The following RORA variants were observed in gnomAD, a reference collection of about 807,000 sequenced individuals.
The protein encoded by RORA is nuclear receptor ROR-alpha.
In RORA, 7 loss-of-function variants were observed where a neutral mutation model predicts 69.5. The observed-to-expected ratio is 0.10, with a 90% CI of 0.06 to 0.19. RORA has a LOEUF of 0.19. Among genes scored for constraint, RORA ranks in the 10% least tolerant of loss-of-function variants. The pLI is 1.00. For synonymous variants in RORA, 261 were observed against 240.8 expected (o/e 1.08, Z -0.78); for missense variants, 457 against 663.0 (o/e 0.69, Z 3.41).
chr15:60,493,183 C>CATATG lies in RORA; in HGVS notation c.*4267_*4271dup, dbSNP rs1393604372. The CATATG allele has an allele frequency of 6.6e-6, 1 of 152,026 alleles. No individual in the cohort carries two copies. The highest frequency in any genetic ancestry group is 1.5e-5 in the Non-Finnish European group (1 of 68,016). 9.4% of individuals were successfully genotyped at this position (152,026 alleles called of 1,614,324 possible). A position where few individuals can be genotyped will look rare whatever the true frequency, so the allele number is the denominator to read the frequency against. On this transcript the variant is annotated 3_prime_UTR_variant, in exon 11 of 11. Coordinates refer to ENST00000335670, the MANE Select transcript of RORA (RefSeq NM_134261.3). Reference sequence around the variant, plus strand: ...TCTTAAAATAATAGCATTGGAAGGACATATGATTTAAACAATCAATGTTGG... The same window carrying CATATG: ...TCTTAAAATAATAGCATTGGAAGGACATATGATATGATTTAAACAATCAATGTTGG...
intron 1 of RORA, among the ~76,000 whole-genome samples, chr15:61,046,964 T>A (rs1897057709): frequency 6.6e-6 from 1 of 152,210 alleles, no homozygotes; most frequent in Admixed American, 6.5e-5. Flanking sequence ...TTGGAGAGCA[T>A]CTTTTGCTCG....
intron 2 of RORA, among the ~76,000 whole-genome samples, chr15:60,536,906 T>G (rs2066697909): frequency 6.6e-6 from 1 of 152,262 alleles, no homozygotes; most frequent in South Asian, 2.1e-4. Context: ...TATGGAGGAC[T>G]TTTCACTTGC....
At chr15:60,506,401 G>T (rs2065502873) in intron 5 of RORA, among the ~76,000 whole-genome samples, 1 of 152,220 alleles carries the variant, frequency 6.6e-6, no homozygotes, top group Non-Finnish European at 1.5e-5. Flanking sequence ...GGAGTTTGAA[G>T]ATATGAAAGA....
At position 60,497,218 on chromosome 15, in the gene RORA, A is replaced by T. The variant is rs2065189992; in HGVS notation, c.*237T>A. The T allele has an allele frequency of 4.9e-6, 2 of 409,288 alleles. No homozygotes were observed. Among genetic ancestry groups the T allele is most frequent in the Non-Finnish European group, 8.8e-6 (2 of 228,214 alleles). 25.4% of individuals were successfully genotyped at this position (409,288 alleles called of 1,614,324 possible). ...AGAGGTCAATGATCAAGAAGTCAAG[A>T]CAGAAAAAGGGTCCATATCTGTAGG... On this transcript the variant is annotated 3_prime_UTR_variant, in exon 11 of 11. Coordinates refer to ENST00000335670, the MANE Select transcript of RORA (RefSeq NM_134261.3).
intron 2 of RORA, among the ~76,000 whole-genome samples, chr15:60,663,612 T>C (rs1238745245): frequency 6.6e-6 from 1 of 152,116 alleles, no homozygotes; most frequent in African/African-American, 2.4e-5. Context: ...TACGCCACCA[T>C]ACCCGGCTAA....
intron 1 of RORA, among the ~76,000 whole-genome samples, chr15:60,892,816 A>G (rs1350559531): frequency 6.6e-6 from 1 of 152,244 alleles, no homozygotes; most frequent in Non-Finnish European, 1.5e-5. Flanking sequence ...GTTACAAGGT[A>G]AAAGGGAAGG....
At chr15:61,051,228 T>C (rs1162621523) in intron 1 of RORA, among the ~76,000 whole-genome samples, 1 of 152,150 alleles carries the variant, frequency 6.6e-6, no homozygotes, top group Admixed American at 6.5e-5. Context: ...TGCCACATCC[T>C]CCACTCAGAA....
intron 2 of RORA, among the ~76,000 whole-genome samples, chr15:60,584,180 T>C (rs1268472999): frequency 6.6e-6 from 1 of 152,186 alleles, no homozygotes; most frequent in Non-Finnish European, 1.5e-5. Context: ...TGTAAATACA[T>C]GCCTTCGTGG....
intron 1 of RORA, among the ~76,000 whole-genome samples, chr15:61,225,887 T>C (rs559744280): frequency 1.2e-4 from 18 of 152,344 alleles, no homozygotes; most frequent in Non-Finnish European, 2.5e-4. Flanking sequence ...CTTTCTTTTT[T>C]CTCTTTCATT....
At chr15:60,610,627 T>A (rs575686108) in intron 2 of RORA, among the ~76,000 whole-genome samples, 1 of 152,104 alleles carries the variant, frequency 6.6e-6, no homozygotes, top group Non-Finnish European at 1.5e-5. Context: ...TATATAGGTA[T>A]ATATGATAGG....
At chr15:60,890,873 G>A (rs189653308) in intron 1 of RORA, among the ~76,000 whole-genome samples, 319 of 152,314 alleles carry the variant, frequency 2.1e-3, no homozygotes, top group Middle Eastern at 6.8e-3. Flanking sequence ...TGAAACCAGA[G>A]CAGAAGATAT....
At chr15:60,808,135 G>C (rs1595730573) in intron 1 of RORA, among the ~76,000 whole-genome samples, 1 of 152,240 alleles carries the variant, frequency 6.6e-6, no homozygotes, top group African/African-American at 2.4e-5. Flanking sequence ...AGAATTTACA[G>C]ACAATCTACA....
chr15:61,054,407 G>A (rs1409685367), intron 1 of RORA, among the ~76,000 whole-genome samples: 1 of 151,998 alleles, frequency 6.6e-6, no homozygotes, highest in Non-Finnish European at 1.5e-5. Flanking sequence ...TGTCTCAAAT[G>A]ATACTGTGAC....
chr15:61,055,014 T>G, intron 1 of RORA, among the ~76,000 whole-genome samples: 1 of 152,002 alleles, frequency 6.6e-6, no homozygotes, highest in Non-Finnish European at 1.5e-5. Flanking sequence ...TTTTTGTATT[T>G]TTAGTAGAGA....
chr15:60,953,955 G>A (rs1322568641), intron 1 of RORA, among the ~76,000 whole-genome samples: 1 of 151,624 alleles, frequency 6.6e-6, no homozygotes, highest in African/African-American at 2.4e-5. Context: ...TATACCCAGA[G>A]GACTATAAAT....
intron 3 of RORA, among the ~76,000 whole-genome samples, chr15:60,527,622 A>C (rs553746450): frequency 6.6e-6 from 1 of 152,352 alleles, no homozygotes; most frequent in East Asian, 1.9e-4. Flanking sequence ...GCAGGCCTGG[A>C]TTCTAACATA....
rs539580414 is a variant in RORA at position 61,033,439 on chromosome 15, A to G, written c.166+195614T>C. Among the ~76,000 whole-genome samples, 3 of 67,086 alleles carry G rather than the reference A, an allele frequency of 4.5e-5. No homozygotes were observed. In the South Asian group the frequency reaches 1.6e-3, roughly 36 times the overall value. 44.0% of individuals were successfully genotyped at this position (67,086 alleles called of 152,430 possible). ...AAAAACAAAAACCAGTTTTGCTCTC[A>G]GTGGGACCCTTCAAATTTGTTAAGA... On this transcript the variant is annotated intron_variant, in intron 1 of 10. Coordinates refer to ENST00000335670, the MANE Select transcript of RORA (RefSeq NM_134261.3).
chr15:61,057,874 G>GA (rs2078117054), intron 1 of RORA, among the ~76,000 whole-genome samples: 1 of 152,254 alleles, frequency 6.6e-6, no homozygotes, highest in Admixed American at 6.5e-5. Context: ...CATCCTCCTG[G>GA]AAAAAAGACC....
intron 1 of RORA, among the ~76,000 whole-genome samples, chr15:60,684,259 C>T (rs899225027): frequency 7.0e-6 from 1 of 142,614 alleles, no homozygotes; most frequent in Non-Finnish European, 1.6e-5. Context: ...TCCTCTTTTG[C>T]AACGAGAAAA....
Sources: allele counts gnomAD v4.1 joint callset (sites outside exome capture counted in the v4.1 genomes callset), GRCh38; gene constraint gnomAD v4.1.1; transcripts MANE v1.5; gene names NCBI Gene and HGNC (gene_info 2026-07-23, HGNC 2026-07-21).